Variants in GRXCR2 observed in about 807,000 individuals in gnomAD.
The protein encoded by GRXCR2 is glutaredoxin domain-containing cysteine-rich protein 2.
GRXCR2 carries 23 observed loss-of-function variants against 24.8 expected under a neutral mutation model. The observed-to-expected ratio is 0.93, with a 90% CI of 0.67 to 1.32. The LOEUF is 1.32. Ranked by LOEUF, GRXCR2 falls within the 40% of genes most tolerant of loss-of-function variation. The pLI, the probability that GRXCR2 is intolerant of heterozygous loss-of-function variation, is 0.00. For missense variants in GRXCR2, 315 were observed against 303.4 expected, an observed-to-expected ratio of 1.04 and a Z score of -0.28; for synonymous variants, 130 against 116.1, an observed-to-expected ratio of 1.12 and a Z score of -0.77.
chr5:145,875,078 C>T (rs1387530089), upstream of GRXCR2, among the ~76,000 whole-genome samples: 1 of 152,186 alleles, frequency 6.6e-6, no homozygotes, highest in Non-Finnish European at 1.5e-5. Context: ...TTTTTCCCTC[C>T]ATTCAACTGT....
intron 2 of GRXCR2, among the ~76,000 whole-genome samples, chr5:145,920,417 C>T (rs1233403544): frequency 6.6e-6 from 1 of 152,190 alleles, no homozygotes; most frequent in Non-Finnish European, 1.5e-5. Flanking sequence ...GCACCCTTGC[C>T]TTACTTCACT....
chr5:145,896,596 C>T (rs1756953021), intron 2 of GRXCR2, among the ~76,000 whole-genome samples: 1 of 152,154 alleles, frequency 6.6e-6, no homozygotes, highest in Non-Finnish European at 1.5e-5. Context: ...CCATCTCACA[C>T]CAGTTAGAAT....
At chr5:145,900,981 T>A (rs1216108621) in intron 2 of GRXCR2, among the ~76,000 whole-genome samples, 1 of 152,162 alleles carries the variant, frequency 6.6e-6, no homozygotes, top group Non-Finnish European at 1.5e-5. Context: ...CCAAAGCATG[T>A]CCTTTGCAGC....
intron 1 of GRXCR2, among the ~76,000 whole-genome samples, chr5:145,868,854 A>T (rs1756477390): frequency 6.6e-6 from 1 of 152,234 alleles, no homozygotes; most frequent in Non-Finnish European, 1.5e-5. Flanking sequence ...CCTGATAGGC[A>T]AATTCTTCCT....
intron 2 of GRXCR2, among the ~76,000 whole-genome samples, chr5:145,912,667 C>T (rs1757182295): frequency 6.6e-6 from 1 of 152,060 alleles, no homozygotes; most frequent in Non-Finnish European, 1.5e-5. Context: ...GTGGAGACGC[C>T]ACAGAAGAGC....
At position 145,881,532 on chromosome 5, in the gene GRXCR2, C is replaced by T. The variant is rs938469354; in HGVS notation, c.-69-14804G>A. On this transcript the variant is annotated intron_variant, in intron 2 of 3. Coordinates refer to the GRXCR2 transcript ENST00000639411. ...CTGCTCAACGAAATAAAAGAGGATACAAACAAATGGAAGAACATCCCATGC... is the reference window on the plus strand; with the variant it reads ...CTGCTCAACGAAATAAAAGAGGATATAAACAAATGGAAGAACATCCCATGC... 7.9e-5 allele frequency among the ~76,000 whole-genome samples: 12 copies of T among 152,232 alleles called. No individual in the cohort carries two copies. In the East Asian group the frequency reaches 2.3e-3, roughly 29 times the overall value.
rs1324150879 is a variant in GRXCR2 at position 145,858,654 on chromosome 5, T to C, written c.*1079A>G. On this transcript the variant is annotated 3_prime_UTR_variant, in exon 3 of 3. Transcript: ENST00000377976. ...TATTAAGTTATGAAATCAAAATTAT[T>C]ATCACAGAATGCAGCAGGTCTCAAG... 6.6e-6 allele frequency: 1 copy of C among 152,222 alleles called. No homozygotes were observed. The highest frequency in any genetic ancestry group is 1.5e-5 in the Non-Finnish European group (1 of 68,042). 9.4% of individuals were successfully genotyped at this position (152,222 alleles called of 1,614,324 possible).
rs1470395791 is a variant in GRXCR2, at chr5:145,859,758, T to C, written c.722A>G (p.Gln241Arg). ...CTATTGATTGCAAATCTGGCAAGGC[T>C]GTAGGCCATTCTCATTGCAGGCAGG... ...RCPACNENGL[Q>R]PCQICNQ Residue 241 changes from glutamine to arginine, a missense_variant, in exon 3 of 3, where the codon CAG becomes CGG. By Grantham distance (43) the Gln-to-Arg change is conservative. Coordinates refer to ENST00000377976, the MANE Select transcript of GRXCR2 (RefSeq NM_001080516.2). The C allele has an allele frequency of 6.2e-6, 10 of 1,614,190 alleles. No individual in the cohort carries two copies. The highest frequency in any genetic ancestry group is 1.1e-5 in the South Asian group (1 of 91,084).
intron 2 of GRXCR2, among the ~76,000 whole-genome samples, chr5:145,894,133 A>C (rs1581345109): frequency 6.6e-6 from 1 of 152,230 alleles, no homozygotes; most frequent in Admixed American, 6.5e-5. Context: ...CATTCAAAGC[A>C]GTGTGTGGAG....
In GRXCR2 at chr5:145,884,891, C is replaced by T. The variant is rs150722658; in HGVS notation, c.-69-18163G>A. On this transcript the variant is annotated intron_variant, in intron 2 of 3. Coordinates refer to the GRXCR2 transcript ENST00000639411. ...TATCTGTCTGATGTCATTTACTGGA[C>T]GTTATTTTTATGTGTATTTTGGGAT... Among the ~76,000 whole-genome samples, 1,052 of 152,000 alleles carry T rather than the reference C, an allele frequency of 6.9e-3. 6 individuals are homozygous for T. Among genetic ancestry groups the T allele is most frequent in the Middle Eastern group, 0.031 (9 of 294 alleles).
intron 2 of GRXCR2, among the ~76,000 whole-genome samples, chr5:145,929,394 G>A (rs1439351530): frequency 6.6e-6 from 1 of 151,736 alleles, no homozygotes; most frequent in African/African-American, 2.4e-5. Context: ...ATATTTTTAA[G>A]ACTTTAGACT....
intron 2 of GRXCR2, among the ~76,000 whole-genome samples, chr5:145,866,134 CAAAAAA>C (rs71581841): frequency 3.5e-5 from 3 of 85,832 alleles, no homozygotes; most frequent in Admixed American, 1.1e-4. Flanking sequence ...AACTCCTTCT[CAAAAAA>C]AAAAAAAAAA....
intron 2 of GRXCR2, among the ~76,000 whole-genome samples, chr5:145,913,941 C>T (rs1017821352): frequency 3.9e-5 from 6 of 152,336 alleles, no homozygotes; most frequent in Middle Eastern, 6.8e-3. Flanking sequence ...CTATGAAACA[C>T]ACTCAGGCGT....
intron 2 of GRXCR2, among the ~76,000 whole-genome samples, chr5:145,902,866 A>T (rs1757042696): frequency 6.6e-6 from 1 of 152,208 alleles, no homozygotes; most frequent in African/African-American, 2.4e-5. Flanking sequence ...ATAGATAAGA[A>T]GTAAAAGGAG....
intron 2 of GRXCR2, among the ~76,000 whole-genome samples, chr5:145,921,768 T>G (rs577206068): frequency 8.7e-4 from 133 of 152,334 alleles, no homozygotes; most frequent in African/African-American, 3.1e-3. Flanking sequence ...ACCCACAAGC[T>G]GTGTATGACA....
At chr5:145,899,003 T>C (rs564341196) in intron 2 of GRXCR2, among the ~76,000 whole-genome samples, 1 of 152,178 alleles carries the variant, frequency 6.6e-6, no homozygotes, top group African/African-American at 2.4e-5. Context: ...ATTCTAGACC[T>C]TGAAAATCCT....
At chr5:145,928,854 T>C (rs1757437435) in intron 2 of GRXCR2, among the ~76,000 whole-genome samples, 1 of 151,806 alleles carries the variant, frequency 6.6e-6, no homozygotes, top group Admixed American at 6.6e-5. Flanking sequence ...TATACATATA[T>C]AACTAACCTG....
chr5:145,872,356 C>T (rs58607685), intron 1 of GRXCR2, among the ~76,000 whole-genome samples: 2,082 of 152,282 alleles, frequency 0.014, 59 homozygotes, highest in African/African-American at 0.047. Context: ...AATTTACATT[C>T]CAGGAAAACT....
At chr5:145,921,948 G>T (rs1254020165) in intron 2 of GRXCR2, among the ~76,000 whole-genome samples, 1 of 152,052 alleles carries the variant, frequency 6.6e-6, no homozygotes, top group African/African-American at 2.4e-5. Flanking sequence ...ATAGATTCAA[G>T]GAGACATAAA....
Sources: gnomAD v4.1 joint callset for allele counts (sites outside exome capture counted in the v4.1 genomes callset) on GRCh38, gnomAD v4.1.1 for gene constraint, MANE v1.5 for transcripts, NCBI Gene and HGNC (gene_info 2026-07-23, HGNC 2026-07-21) for gene names.